Variants in ST8SIA5 observed in about 807,000 individuals in gnomAD.
ST8SIA5 encodes ST8 alpha-N-acetyl-neuraminide alpha-2,8-sialyltransferase 5.
Under a neutral mutation model 40.2 loss-of-function variants are expected in ST8SIA5, and 24 were observed. The observed-to-expected ratio is 0.60, with a 90% confidence interval of 0.43 to 0.84. The LOEUF (loss-of-function observed/expected upper bound fraction) is 0.84, where lower values mean the gene tolerates loss of function less well. Among genes scored for constraint, ST8SIA5 ranks in the 40% least tolerant of loss-of-function variants. The pLI is 0.00. For synonymous variants in ST8SIA5, 198 were observed against 201.8 expected (o/e 0.98, Z 0.16); for missense variants, 465 against 498.5 (o/e 0.93, Z 0.64).
intron 6 of ST8SIA5, among the ~76,000 whole-genome samples, chr18:46,680,949 C>G (rs935728966): frequency 1.3e-5 from 2 of 152,130 alleles, no homozygotes; most frequent in African/African-American, 2.4e-5. Flanking sequence ...TCTCCTGCAG[C>G]CTCCGTTTCT....
chr18:46,747,610 T>C (rs542266258), intron 1 of ST8SIA5, among the ~76,000 whole-genome samples: 2 of 152,222 alleles, frequency 1.3e-5, no homozygotes, highest in Non-Finnish European at 2.9e-5. Context: ...GGAACACTTT[T>C]ACACTGTTGG....
intron 6 of ST8SIA5, among the ~76,000 whole-genome samples, chr18:46,680,802 G>A (rs1680296541): frequency 6.6e-6 from 1 of 152,200 alleles, no homozygotes; most frequent in East Asian, 1.9e-4. Context: ...GGTGGCCCAA[G>A]GGAGGCTCAG....
In ST8SIA5 at chr18:46,676,157, T is replaced by G. The variant is rs1283606510; in HGVS notation, c.*3885A>C. 6.6e-6 allele frequency: 1 copy of G among 152,218 alleles called. No homozygotes were observed. Among genetic ancestry groups the G allele is most frequent in the Non-Finnish European group, 1.5e-5 (1 of 68,046 alleles). The allele number at this position is 152,218 out of a possible 1,614,324, so 9.4% of individuals were successfully genotyped here. A position where few individuals can be genotyped will look rare whatever the true frequency, so the allele number is the denominator to read the frequency against. On this transcript the variant is annotated 3_prime_UTR_variant, in exon 7 of 7. Transcript: ENST00000315087. ...GTATCTGCTGCTTTGCTCATTACAC[T>G]TTTTATGCTGCCAACCTTCAGAATT...
chr18:46,716,348 T>G (rs1344790285), intron 1 of ST8SIA5, among the ~76,000 whole-genome samples: 1 of 152,136 alleles, frequency 6.6e-6, no homozygotes, highest in African/African-American at 2.4e-5. Flanking sequence ...CCCTCTTGTG[T>G]CATCTATTTG....
chr18:46,711,873 TCATCTGTCCC>T (rs2066154436), intron 1 of ST8SIA5, among the ~76,000 whole-genome samples: 1 of 152,220 alleles, frequency 6.6e-6, no homozygotes, highest in Admixed American at 6.5e-5. Context: ...CACAGTTCAC[TCATCTGTCCC>T]CAGGAATTAT....
chr18:46,752,913 C>G (rs562264340), intron 1 of ST8SIA5, among the ~76,000 whole-genome samples: 1 of 152,338 alleles, frequency 6.6e-6, no homozygotes, highest in East Asian at 1.9e-4. Context: ...AGCCTCTCTA[C>G]CTCTTTAACC....
At chr18:46,719,708 C>CTTTCTT (rs1414533642) in intron 1 of ST8SIA5, among the ~76,000 whole-genome samples, 223 of 10,694 alleles carry the variant, frequency 0.021, 1 homozygote, top group South Asian at 0.071. Context: ...CTTTCTTTCT[C>CTTTCTT]TCTTTCTTTC....
intron 1 of ST8SIA5, among the ~76,000 whole-genome samples, chr18:46,710,806 T>A (rs2039724298): frequency 6.6e-6 from 1 of 152,064 alleles, no homozygotes; most frequent in Non-Finnish European, 1.5e-5. Flanking sequence ...TTTCCTTTCT[T>A]GGGGGCAACA....
In ST8SIA5 at chr18:46,673,395, ATTC is replaced by A. The variant is rs766192676; in HGVS notation, c.*6644_*6646del. The A allele has an allele frequency of 3.9e-5, 6 of 152,124 alleles. No homozygotes were observed. Among genetic ancestry groups the A allele is most frequent in the Non-Finnish European group, 8.8e-5 (6 of 68,030 alleles). The allele number at this position is 152,124 out of a possible 1,614,324, so 9.4% of individuals were successfully genotyped here. A position where few individuals can be genotyped will look rare whatever the true frequency, so the allele number is the denominator to read the frequency against. On this transcript the variant is annotated 3_prime_UTR_variant, in exon 7 of 7. Transcript: ENST00000315087. Reference sequence around the variant, plus strand: ...AGGCAGAAGTTGGGTTGTGTGCCAAATTCTTCTTTTCATTCTTTTCCTACTCAA... The same window carrying A: ...AGGCAGAAGTTGGGTTGTGTGCCAAATTCTTTTCATTCTTTTCCTACTCAA...
chr18:46,689,950 T>C, intron 3 of ST8SIA5, among the ~76,000 whole-genome samples: 1 of 152,056 alleles, frequency 6.6e-6, no homozygotes, highest in Non-Finnish European at 1.5e-5. Context: ...CCTAGCTGGC[T>C]CCCAGTCACA....
chr18:46,699,661 G>A (rs2039591941), intron 2 of ST8SIA5, among the ~76,000 whole-genome samples: 1 of 152,154 alleles, frequency 6.6e-6, no homozygotes, highest in Non-Finnish European at 1.5e-5. Flanking sequence ...TTACAGGCAT[G>A]AGCCACCGCG....
chr18:46,725,972 A>AAAAAATAT (rs59660372), intron 1 of ST8SIA5, among the ~76,000 whole-genome samples: 12 of 29,086 alleles, frequency 4.1e-4, no homozygotes, highest in African/African-American at 7.5e-4. Context: ...AAAAAAAAAA[A>AAAAAATAT]ATATATATAT....
chr18:46,733,456 C>G (rs181966113), intron 1 of ST8SIA5, among the ~76,000 whole-genome samples: 20 of 152,298 alleles, frequency 1.3e-4, no homozygotes, highest in Non-Finnish European at 2.8e-4. Context: ...AGGCCACATA[C>G]TGAGGCTCAA....
At chr18:46,707,637 C>T (rs753148124) in intron 1 of ST8SIA5, among the ~76,000 whole-genome samples, 2 of 152,190 alleles carry the variant, frequency 1.3e-5, no homozygotes, top group East Asian at 1.9e-4. Flanking sequence ...CCCTCATTGG[C>T]CTCTGTATGG....
intron 2 of ST8SIA5, among the ~76,000 whole-genome samples, chr18:46,704,224 C>G (rs1417142131): frequency 6.6e-6 from 1 of 152,182 alleles, no homozygotes; most frequent in Non-Finnish European, 1.5e-5. Context: ...GTGCAACATA[C>G]TGAATTTCAG....
At chr18:46,716,086 G>GGATAGATAGATAGATAGATAGATAGATA (rs61514320) in intron 1 of ST8SIA5, among the ~76,000 whole-genome samples, 2 of 139,678 alleles carry the variant, frequency 1.4e-5, no homozygotes, top group Admixed American at 7.3e-5. Flanking sequence ...GAGTCACACA[G>GGATAGATAGATAGATAGATAGATAGATA]GATAGATAGA....
At chr18:46,752,054 G>T (rs1440166367) in intron 1 of ST8SIA5, among the ~76,000 whole-genome samples, 1 of 152,000 alleles carries the variant, frequency 6.6e-6, no homozygotes, top group African/African-American at 2.4e-5. Flanking sequence ...GCCTCACTCT[G>T]TCCCCAGCAA....
At position 46,691,818 on chromosome 18, in the gene ST8SIA5, G is replaced by A. The variant is rs112519833; in HGVS notation, c.311+351C>T. Reference sequence around the variant, plus strand: ...GAGGTGAGGACCAGGAGGCTATAGAGGATGCGTAATGCACCTTCACACAGG... The same window carrying A: ...GAGGTGAGGACCAGGAGGCTATAGAAGATGCGTAATGCACCTTCACACAGG... On this transcript the variant is annotated intron_variant, in intron 3 of 6. Coordinates refer to ENST00000315087, the MANE Select transcript of ST8SIA5 (RefSeq NM_013305.6). The A allele has an allele frequency of 3.9e-3, 1,123 of 291,088 alleles. 20 individuals are homozygous for A. The highest frequency in any genetic ancestry group is 0.023 in the African/African-American group (1,061 of 46,516). The allele number at this position is 291,088 out of a possible 1,614,324, so 18.0% of individuals were successfully genotyped here. A position where few individuals can be genotyped will look rare whatever the true frequency, so the allele number is the denominator to read the frequency against.
intron 1 of ST8SIA5, among the ~76,000 whole-genome samples, chr18:46,734,494 C>T (rs1370940136): frequency 6.6e-6 from 1 of 152,068 alleles, no homozygotes; most frequent in Non-Finnish European, 1.5e-5. Context: ...CCAGGCTCCA[C>T]TCAAAGCCTA....
Sources: gnomAD v4.1 joint callset for allele counts (sites outside exome capture counted in the v4.1 genomes callset) on GRCh38, gnomAD v4.1.1 for gene constraint, MANE v1.5 for transcripts, NCBI Gene and HGNC (gene_info 2026-07-23, HGNC 2026-07-21) for gene names.